The following AP3B1 variants were observed in gnomAD, a reference collection of about 807,000 sequenced individuals.
The protein encoded by AP3B1 is adaptor related protein complex 3 subunit beta 1.
AP3B1 carries 61 observed loss-of-function variants against 132.5 expected under a neutral mutation model. The ratio of observed to expected loss-of-function variants is 0.46; its 90% confidence interval spans 0.37 to 0.57. The LOEUF (loss-of-function observed/expected upper bound fraction) is 0.57, where lower values mean the gene tolerates loss of function less well. Ranked by LOEUF, AP3B1 falls within the 20% of genes least tolerant of loss-of-function variation. The probability of loss-of-function intolerance (pLI) is 0.00; values close to 1 mark genes in which losing one functional copy is unlikely to be tolerated. For missense variants in AP3B1, 1,120 were observed against 1,289.4 expected, an observed-to-expected ratio of 0.87 and a Z score of 2.01; for synonymous variants, 388 against 438.3, an observed-to-expected ratio of 0.89 and a Z score of 1.43.
At chr5:78,173,827 A>T (rs1744028602) in intron 11 of AP3B1, among the ~76,000 whole-genome samples, 1 of 152,140 alleles carries the variant, frequency 6.6e-6, no homozygotes, top group Non-Finnish European at 1.5e-5. Flanking sequence ...CACCAATCAA[A>T]TGCAGATTTG....
At chr5:78,075,671 T>C (rs1749738470) in intron 22 of AP3B1, among the ~76,000 whole-genome samples, 1 of 152,230 alleles carries the variant, frequency 6.6e-6, no homozygotes. Flanking sequence ...TTTGTACCAC[T>C]CTGGGTGCCC....
intron 6 of AP3B1, among the ~76,000 whole-genome samples, chr5:78,219,105 A>C (rs563057687): frequency 1.8e-4 from 27 of 152,268 alleles, no homozygotes; most frequent in African/African-American, 6.5e-4. Flanking sequence ...TTCATTAAAC[A>C]TAATTTTATA....
chr5:78,294,694 C>T lies in AP3B1; in HGVS notation c.-115G>A, dbSNP rs886060776. 3.2e-6 allele frequency: 5 copies of T among 1,540,966 alleles called. No individual in the cohort carries two copies. The highest frequency in any genetic ancestry group is 1.7e-5 in the Admixed American group (1 of 59,418). ...TCGTACGGAGGAGCGCGCGCAGGCGCTTCCGGACTCGTCACGGCTCCCTGA... is the reference window on the plus strand; with the variant it reads ...TCGTACGGAGGAGCGCGCGCAGGCGTTTCCGGACTCGTCACGGCTCCCTGA... On this transcript the variant is annotated 5_prime_UTR_variant, in exon 1 of 27. Coordinates refer to ENST00000255194, the MANE Select transcript of AP3B1 (RefSeq NM_003664.5).
At chr5:78,231,429 C>T (rs948392043) in intron 3 of AP3B1, among the ~76,000 whole-genome samples, 1 of 152,040 alleles carries the variant, frequency 6.6e-6, no homozygotes, top group Non-Finnish European at 1.5e-5. Context: ...CCGCCTCGGC[C>T]TCCCAAAGTG....
At chr5:78,119,707 C>T (rs1239195246) in intron 17 of AP3B1, among the ~76,000 whole-genome samples, 3 of 152,156 alleles carry the variant, frequency 2.0e-5, no homozygotes, top group Admixed American at 6.5e-5. Flanking sequence ...ACCAAATCTA[C>T]GTCTCATTGG....
chr5:78,181,435 C>T, intron 8 of AP3B1, 72 bp downstream of exon 8: 5 of 1,429,988 alleles, frequency 3.5e-6, no homozygotes, highest in Non-Finnish European at 4.9e-6. Context: ...GACTCACTTA[C>T]TAAATTGAGA....
rs539262994 is a variant in AP3B1, at chr5:78,120,843, C to A, written c.1969-4609G>T. On this transcript the variant is annotated intron_variant, in intron 17 of 26. Coordinates refer to ENST00000255194, the MANE Select transcript of AP3B1 (RefSeq NM_003664.5). ...GAACTCAGCTCTGCACCAAGCAGACCTAATAGACATCTACAGAACTCTCCA... is the reference window on the plus strand; with the variant it reads ...GAACTCAGCTCTGCACCAAGCAGACATAATAGACATCTACAGAACTCTCCA... Among the ~76,000 whole-genome samples the A allele has an allele frequency of 3.0e-4, 46 of 152,262 alleles. No individual in the cohort carries two copies. In the South Asian group the frequency reaches 6.8e-3, roughly 23 times the overall value.
chr5:78,110,151 T>C, intron 20 of AP3B1, 56 bp downstream of exon 20: 1 of 1,482,512 alleles, frequency 6.7e-7, no homozygotes, highest in Non-Finnish European at 9.3e-7. Context: ...GTGTTGTCTA[T>C]TTTAGTTGCT....
At position 78,209,414 on chromosome 5, in the gene AP3B1, G is replaced by A. The variant is rs538542031; in HGVS notation, c.786+6641C>T. 7.7e-4 allele frequency among the ~76,000 whole-genome samples: 117 copies of A among 152,194 alleles called. 1 individual carries two copies. The highest frequency in any genetic ancestry group is 3.4e-3 in the Middle Eastern group (1 of 294). ...CCCTTATCATAATCCAGACATTTCC[G>A]TTCTATTGATTCCAGGTCTTCAGAT... On this transcript the variant is annotated intron_variant, in intron 7 of 26. Coordinates refer to ENST00000255194, the MANE Select transcript of AP3B1 (RefSeq NM_003664.5).
rs561114554 is a variant in AP3B1 at position 78,218,942 on chromosome 5, T to C, written c.604-2705A>G. ...TGGGAAAGATCAGTCATTTATCTTC[T>C]AATAGCTGGATAATAGATCTATCAC... On this transcript the variant is annotated intron_variant, in intron 6 of 26. Coordinates refer to ENST00000255194, the MANE Select transcript of AP3B1 (RefSeq NM_003664.5). 1.4e-4 allele frequency among the ~76,000 whole-genome samples: 22 copies of C among 152,244 alleles called. 1 individual carries two copies. Among genetic ancestry groups the C allele is most frequent in the African/African-American group, 5.3e-4 (22 of 41,570 alleles).
intron 11 of AP3B1, among the ~76,000 whole-genome samples, chr5:78,168,526 A>G (rs1247508143): frequency 6.6e-6 from 1 of 152,076 alleles, no homozygotes; most frequent in East Asian, 1.9e-4. Flanking sequence ...ATCCAGCTGG[A>G]CAACTTCTAA....
At chr5:78,015,678 C>CA (rs1180329331) in intron 25 of AP3B1, 130 bp from the exon 26 acceptor site, 2 of 857,720 alleles carry the variant, frequency 2.3e-6, no homozygotes, top group Non-Finnish European at 3.6e-6. Context: ...ATGTAATTTA[C>CA]AAGATAATTA....
chr5:78,015,318 T>C (rs1746811569), intron 26 of AP3B1, 92 bp downstream of exon 26: 1 of 1,327,152 alleles, frequency 7.5e-7, no homozygotes, highest in Non-Finnish European at 1.1e-6. Flanking sequence ...GTTTAGGGGT[T>C]ATTATTTCCA....
At chr5:78,252,738 C>T (rs1350822998) in intron 2 of AP3B1, among the ~76,000 whole-genome samples, 2 of 152,196 alleles carry the variant, frequency 1.3e-5, no homozygotes, top group Non-Finnish European at 2.9e-5. Context: ...AGGTTTCTGA[C>T]TCTAGTCCCT....
chr5:78,219,623 G>C (rs1402831954), intron 6 of AP3B1, among the ~76,000 whole-genome samples: 3 of 151,904 alleles, frequency 2.0e-5, no homozygotes, highest in African/African-American at 7.2e-5. Flanking sequence ...ACACTAAAAT[G>C]TTCTATTTTT....
At chr5:78,073,823 C>T (rs921927923) in intron 22 of AP3B1, among the ~76,000 whole-genome samples, 1 of 152,124 alleles carries the variant, frequency 6.6e-6, no homozygotes, top group Non-Finnish European at 1.5e-5. Context: ...GAACTCACAG[C>T]CAGCAGAACT....
At chr5:78,092,986 CTT>C (rs1164503378) in intron 21 of AP3B1, among the ~76,000 whole-genome samples, 3 of 152,100 alleles carry the variant, frequency 2.0e-5, no homozygotes, top group Non-Finnish European at 4.4e-5. Flanking sequence ...TCTTCAAAGT[CTT>C]TGTTCCAGCA....
intron 26 of AP3B1, among the ~76,000 whole-genome samples, chr5:78,004,239 G>A (rs900049568): frequency 6.6e-6 from 1 of 152,136 alleles, no homozygotes; most frequent in Admixed American, 6.5e-5. Flanking sequence ...TAAAACTGCC[G>A]CGCTAACAGC....
At chr5:78,146,393 G>A (rs533463340) in intron 14 of AP3B1, among the ~76,000 whole-genome samples, 9 of 152,130 alleles carry the variant, frequency 5.9e-5, no homozygotes, top group African/African-American at 1.4e-4. Context: ...CCTCAGATAC[G>A]TTAGATGAGC....
Sources: allele counts gnomAD v4.1 joint callset (sites outside exome capture counted in the v4.1 genomes callset), GRCh38; gene constraint gnomAD v4.1.1; transcripts MANE v1.5; gene names NCBI Gene and HGNC (gene_info 2026-07-23, HGNC 2026-07-21).